Variants in CCDC171 observed in about 807,000 individuals in gnomAD.
CCDC171 encodes the protein coiled-coil domain containing 171.
In CCDC171, 177 loss-of-function variants were observed where a neutral mutation model predicts 168.2. That is an observed-to-expected ratio of 1.05 (90% CI 0.93 to 1.19). The LOEUF is 1.19. CCDC171 is among the 50% of genes most tolerant of loss of function. The probability of loss-of-function intolerance (pLI) is 0.00; values close to 1 mark genes in which losing one functional copy is unlikely to be tolerated. For missense variants in CCDC171, 1,991 were observed against 1,539.0 expected, an observed-to-expected ratio of 1.29 and a Z score of -4.91; for synonymous variants, 687 against 540.8, an observed-to-expected ratio of 1.27 and a Z score of -3.75.
At chr9:16,072,859 A>G in the CCDC171 span, among the ~76,000 whole-genome samples, 3 of 152,236 alleles carry the variant, frequency 2.0e-5, no homozygotes, top group Admixed American at 6.5e-5. Flanking sequence ...AATCTTTCTT[A>G]CCGCTTTCTC....
chr9:15,793,558 T>TTTTTTGTTTG, intron 21 of CCDC171, among the ~76,000 whole-genome samples: 1 of 44,478 alleles, frequency 2.2e-5, no homozygotes, highest in African/African-American at 5.2e-5. Flanking sequence ...AAGGTTTTTT[T>TTTTTTGTTTG]TTTTTTTTTT....
intron 25 of CCDC171, among the ~76,000 whole-genome samples, chr9:15,957,128 T>A (rs1564067880): frequency 6.6e-6 from 1 of 151,958 alleles, no homozygotes; most frequent in South Asian, 2.1e-4. Flanking sequence ...GCCATACTAG[T>A]TCTGAGCATA....
intron 18 of CCDC171, among the ~76,000 whole-genome samples, chr9:15,772,259 T>G (rs1270281718): frequency 6.6e-6 from 1 of 152,204 alleles, no homozygotes; most frequent in African/African-American, 2.4e-5. Context: ...TTTACTCCAT[T>G]AGTTTCCACC....
chr9:15,687,786 A>T (rs1397597934), intron 10 of CCDC171, among the ~76,000 whole-genome samples: 3 of 152,184 alleles, frequency 2.0e-5, no homozygotes, highest in African/African-American at 7.2e-5. Flanking sequence ...TAAAATGGAC[A>T]ACTTTCTAGA....
intron 10 of CCDC171, among the ~76,000 whole-genome samples, chr9:15,681,380 T>G (rs560139587): frequency 6.6e-5 from 10 of 152,260 alleles, no homozygotes; most frequent in African/African-American, 2.4e-4. Context: ...TTCCTCTTAA[T>G]TTTTTCATCT....
rs1831462065 is a variant in CCDC171 at position 15,972,657 on chromosome 9, T to A, written c.*821T>A. 1.3e-5 allele frequency: 2 copies of A among 152,170 alleles called. No individual in the cohort carries two copies. The highest frequency in any genetic ancestry group is 1.3e-4 in the Admixed American group (2 of 15,268). 9.4% of individuals were successfully genotyped at this position (152,170 alleles called of 1,614,324 possible). A position where few individuals can be genotyped will look rare whatever the true frequency, so the allele number is the denominator to read the frequency against. ...TATAAGCTGAAAAACTTCAAGGTAA[T>A]GGCTGTTTTGACCTTCAAAATAGAC... On this transcript the variant is annotated 3_prime_UTR_variant, in exon 26 of 26. Transcript: ENST00000380701.
At chr9:15,933,864 G>A (rs1179305579) in intron 25 of CCDC171, among the ~76,000 whole-genome samples, 2 of 151,998 alleles carry the variant, frequency 1.3e-5, no homozygotes, top group African/African-American at 2.4e-5. Flanking sequence ...GGATTTGGCA[G>A]TGGATTCTTA....
At chr9:15,864,967 G>A (rs141095062) in intron 23 of CCDC171, among the ~76,000 whole-genome samples, 92 of 152,054 alleles carry the variant, frequency 6.1e-4, no homozygotes, top group Middle Eastern at 3.4e-3. Flanking sequence ...CCCTATGTAC[G>A]GCCATAACAT....
rs1379747984 is a variant in CCDC171, at chr9:15,629,824, A to G, written c.822+6411A>G. Among the ~76,000 whole-genome samples, 5 of 152,334 alleles carry G rather than the reference A, an allele frequency of 3.3e-5. No homozygotes were observed. In the East Asian group the frequency reaches 9.6e-4, roughly 29 times the overall value. ...GGGAAGCCCATCAGACTAACAGTGG[A>G]TCTCTCGGCAGAAACTCTACAAGCC... is the stretch of plus-strand genomic sequence containing the variant. On this transcript the variant is annotated intron_variant, in intron 7 of 25. Transcript: ENST00000380701.
intron 11 of CCDC171, among the ~76,000 whole-genome samples, chr9:15,708,797 G>A (rs929405722): frequency 6.6e-6 from 1 of 152,142 alleles, no homozygotes; most frequent in African/African-American, 2.4e-5. Flanking sequence ...TTCAGGGATT[G>A]CTGCTTGCTG....
chr9:15,570,266 T>C (rs1220340025), intron 2 of CCDC171, among the ~76,000 whole-genome samples: 1 of 152,160 alleles, frequency 6.6e-6, no homozygotes. Context: ...CCACTGCACC[T>C]GGCTGTTTTT....
chr9:15,940,365 A>G (rs1160971601), intron 25 of CCDC171, among the ~76,000 whole-genome samples: 3 of 151,804 alleles, frequency 2.0e-5, no homozygotes, highest in Admixed American at 1.3e-4. Context: ...CTCTTTTTCA[A>G]TGATTGAAGG....
At chr9:16,075,818 G>C in the CCDC171 span, among the ~76,000 whole-genome samples, 1 of 152,148 alleles carries the variant, frequency 6.6e-6, no homozygotes, top group African/African-American at 2.4e-5. Flanking sequence ...AGTCAATTTA[G>C]TGAGTCAGCC....
intron 1 of CCDC171, among the ~76,000 whole-genome samples, chr9:16,057,077 A>G (rs1833852986): frequency 6.6e-6 from 1 of 152,220 alleles, no homozygotes; most frequent in Non-Finnish European, 1.5e-5. Context: ...TAACCTGGAC[A>G]TTATTAGGTG....
intron 25 of CCDC171, among the ~76,000 whole-genome samples, chr9:15,957,954 G>A (rs1053515996): frequency 1.3e-5 from 2 of 152,106 alleles, no homozygotes; most frequent in African/African-American, 4.8e-5. Context: ...TGAAGCTTGA[G>A]ACACTTCGAA....
At chr9:15,987,430 G>A (rs1832026668) in intron 3 of CCDC171, among the ~76,000 whole-genome samples, 1 of 150,564 alleles carries the variant, frequency 6.6e-6, no homozygotes, top group Non-Finnish European at 1.5e-5. Context: ...ATAAAAGTTG[G>A]AAAGAAAAAG....
chr9:16,074,014 A>T, the CCDC171 span, among the ~76,000 whole-genome samples: 2 of 152,232 alleles, frequency 1.3e-5, no homozygotes, highest in South Asian at 2.1e-4. Flanking sequence ...CCACAGTGCA[A>T]ACTGCTTATC....
Position 15,745,520 on chromosome 9 carries a change from C to A in CCDC171, c.2560C>A (p.Gln854Lys). The A allele has an allele frequency of 6.5e-7, 1 of 1,544,234 alleles. No individual in the cohort carries two copies. The highest frequency in any genetic ancestry group is 2.3e-5 in the Admixed American group (1 of 43,672). ...GGATTTTTTCAATTTTATAGAACAT[C>A]AAAAGGAGCAGTTGCGTTGTTTACA... Reference protein sequence around the residue: ...PQDKHKFPKHQKEQLRCLQAL... With the variant: ...PQDKHKFPKHKKEQLRCLQAL... Residue 854 changes from glutamine to lysine, a missense_variant, in exon 18 of 26, where the codon CAA (glutamine) becomes AAA (lysine). Coordinates refer to ENST00000380701, the MANE Select transcript of CCDC171 (RefSeq NM_173550.4).
At chr9:15,829,276 A>G (rs183860329) in intron 21 of CCDC171, among the ~76,000 whole-genome samples, 1 of 152,320 alleles carries the variant, frequency 6.6e-6, no homozygotes, top group Non-Finnish European at 1.5e-5. Flanking sequence ...GGAAAGTAGT[A>G]GATATAGGTT....
Sources: allele counts gnomAD v4.1 joint callset (sites outside exome capture counted in the v4.1 genomes callset), GRCh38; gene constraint gnomAD v4.1.1; transcripts MANE v1.5; gene names NCBI Gene and HGNC (gene_info 2026-07-23, HGNC 2026-07-21).